Variants in TYW5 observed in about 807,000 individuals in gnomAD.
The protein encoded by TYW5 is tRNA-yW synthesizing protein 5.
A neutral mutation model predicts 44.4 loss-of-function variants in TYW5; 36 were observed. That is an observed-to-expected ratio of 0.81 (90% CI 0.62 to 1.07). TYW5 has a LOEUF of 1.07. Ranked by LOEUF, TYW5 falls within the 50% of genes least tolerant of loss-of-function variation. TYW5 has a pLI of 0.00. For synonymous variants in TYW5, 121 were observed against 128.1 expected, an observed-to-expected ratio of 0.94 and a Z score of 0.37; for missense variants, 354 against 365.7, an observed-to-expected ratio of 0.97 and a Z score of 0.26.
chr2:199,934,463 G>T (rs1437775915), intron 7 of TYW5, among the ~76,000 whole-genome samples: 1 of 151,782 alleles, frequency 6.6e-6, no homozygotes, highest in Non-Finnish European at 1.5e-5. Context: ...CAATAGATTT[G>T]AAGACTAATA....
At chr2:199,944,102 A>G (rs1179321790) in intron 2 of TYW5, 5 of 281,604 alleles carry the variant, frequency 1.8e-5, no homozygotes, top group African/African-American at 2.2e-5. Context: ...TCAATATTCT[A>G]TTCCAAGTTA....
intron 1 of TYW5, among the ~76,000 whole-genome samples, chr2:199,952,584 A>G (rs2077554355): frequency 6.6e-6 from 1 of 152,206 alleles, no homozygotes; most frequent in South Asian, 2.1e-4. Context: ...ATATGAGATA[A>G]ATGTTGCAAA....
chr2:199,948,543 C>G, intron 1 of TYW5, 71 bp from the exon 2 acceptor site: 2 of 1,510,630 alleles, frequency 1.3e-6, no homozygotes, highest in Non-Finnish European at 9.1e-7. Flanking sequence ...TATTTGGCAA[C>G]AGGGAGACAA....
At chr2:199,950,417 T>TA (rs2077535544) in intron 1 of TYW5, among the ~76,000 whole-genome samples, 1 of 152,060 alleles carries the variant, frequency 6.6e-6, no homozygotes, top group Non-Finnish European at 1.5e-5. Flanking sequence ...CACACCACTG[T>TA]AAAAAACATG....
intron 3 of TYW5, chr2:199,942,214 A>C (rs1308850361): frequency 6.6e-6 from 1 of 152,196 alleles, no homozygotes; most frequent in East Asian, 1.9e-4. Flanking sequence ...CTACAGGCGT[A>C]TGCCACCATG....
intron 3 of TYW5, 54 bp downstream of exon 3, chr2:199,943,711 C>T: frequency 7.2e-7 from 1 of 1,380,890 alleles, no homozygotes; most frequent in South Asian, 1.3e-5. Flanking sequence ...ATAAGAAAAT[C>T]CATTTAGTAT....
chr2:199,939,132 T>G (rs1436669000), intron 4 of TYW5, 62 bp from the exon 5 acceptor site: 3 of 1,473,918 alleles, frequency 2.0e-6, no homozygotes, highest in Non-Finnish European at 1.8e-6. Flanking sequence ...TAAGGAAGAC[T>G]GGGGCAAAAC....
chr2:199,938,278 A>ATGG (rs2077437293), intron 5 of TYW5, among the ~76,000 whole-genome samples: 1 of 152,004 alleles, frequency 6.6e-6, no homozygotes, highest in African/African-American at 2.4e-5. Context: ...GTTAGCCAGG[A>ATGG]TGGTCTCGAT....
Position 199,930,442 on chromosome 2 carries a change from C to A in TYW5, c.*2625G>T, listed in dbSNP as rs17629103. On this transcript the variant is annotated 3_prime_UTR_variant, in exon 8 of 8. Transcript: ENST00000354611. ...ACCTTGTTTTACACAAATGGCAGTA[C>A]AGTTTCAAATATGTTTTTCATGTAA... The A allele has an allele frequency of 2.0e-5, 3 of 152,066 alleles. No individual in the cohort carries two copies. Among genetic ancestry groups the A allele is most frequent in the African/African-American group, 7.2e-5 (3 of 41,392 alleles). The allele number at this position is 152,066 out of a possible 1,614,324, so 9.4% of individuals were successfully genotyped here. A position where few individuals can be genotyped will look rare whatever the true frequency, so the allele number is the denominator to read the frequency against.
chr2:199,955,375 C>T lies in TYW5; in HGVS notation c.78+18G>A, dbSNP rs747991823. The T allele has an allele frequency of 6.2e-7, 1 of 1,612,134 alleles. No homozygotes were observed. Among genetic ancestry groups the T allele is most frequent in the Admixed American group, 1.7e-5 (1 of 59,784 alleles). On this transcript the variant is annotated intron_variant, in intron 1 of 7. Transcript: ENST00000354611. The stretch of plus-strand genomic sequence containing the variant: ...TCTCGCTGGTTTCTCGAGGTTCTGC[C>T]CCGCGCGAGGGCCTCACCTGTGGGT...
intron 1 of TYW5, among the ~76,000 whole-genome samples, chr2:199,953,603 T>C (rs1197313760): frequency 2.0e-5 from 3 of 152,242 alleles, no homozygotes; most frequent in Non-Finnish European, 4.4e-5. Context: ...TTCTGCACTT[T>C]CTATTCTATT....
rs35165461 is a variant in TYW5, at chr2:199,929,970, A to ATTTTTTTTT, written c.*3088_*3096dup. 1.1e-5 allele frequency: 1 copy of ATTTTTTTTT among 89,826 alleles called. No individual in the cohort carries two copies. 5.6% of individuals were successfully genotyped at this position (89,826 alleles called of 1,614,324 possible). On this transcript the variant is annotated 3_prime_UTR_variant, in exon 8 of 8. Coordinates refer to ENST00000354611, the MANE Select transcript of TYW5 (RefSeq NM_001039693.3). ...ACCACTCCCCAGCTCTGCATATAAT[A>ATTTTTTTTT]TTTTTTTTTTTTTTTTTTTTTTTGA...
At position 199,955,452 on chromosome 2, in the gene TYW5, G is replaced by T. The variant is rs1297112331; in HGVS notation, c.19C>A (p.Pro7Thr). 4 of 1,613,736 alleles carry T rather than the reference G, an allele frequency of 2.5e-6. No individual in the cohort carries two copies. In the East Asian group the frequency reaches 6.7e-5, roughly 27 times the overall value. The part of the protein sequence containing the change: MAGQHL[P>T]VPRLEGVSRE... The stretch of plus-strand genomic sequence containing the variant: ...GAAACGCCCTCCAGCCGGGGTACCG[G>T]GAGGTGCTGCCCGGCCATGGTTGCT... The change falls in exon 1 of 8, where the codon CCG becomes ACG. Residue 7 changes from proline to threonine, a missense_variant. Transcript: ENST00000354611.
chr2:199,938,068 A>AT (rs1255806141), intron 5 of TYW5, among the ~76,000 whole-genome samples: 353 of 144,304 alleles, frequency 2.4e-3, no homozygotes, highest in Middle Eastern at 3.6e-3. Flanking sequence ...ATCAAGATCA[A>AT]TTTTTTTTTT....
intron 3 of TYW5, chr2:199,943,125 G>A (rs2105702342): frequency 6.6e-6 from 1 of 152,228 alleles, no homozygotes; most frequent in East Asian, 1.9e-4. Flanking sequence ...CAAAGTGCTG[G>A]GATTACAGGC....
chr2:199,943,957 T>A, intron 2 of TYW5, 123 bp from the exon 3 acceptor site: 1 of 619,122 alleles, frequency 1.6e-6, no homozygotes, highest in African/African-American at 1.9e-5. Flanking sequence ...ATATCTGTAA[T>A]TTTTATTATA....
rs1331427928 is a variant in TYW5, at chr2:199,932,881, TAA to T, written c.*184_*185del. The T allele has an allele frequency of 7.6e-6, 5 of 656,040 alleles. No homozygotes were observed. Among genetic ancestry groups the T allele is most frequent in the Non-Finnish European group, 1.2e-5 (5 of 407,362 alleles). The allele number at this position is 656,040 out of a possible 1,614,324, so 40.6% of individuals were successfully genotyped here. ...CTTTTAGTGGTCAGCATCTGAATGT[TAA>T]AGAGTGGTCCCAGCACAGCATTCTT... On this transcript the variant is annotated 3_prime_UTR_variant, in exon 8 of 8. Transcript: ENST00000354611.
At chr2:199,936,225 T>G (rs1559301052) in intron 6 of TYW5, among the ~76,000 whole-genome samples, 178 bp from the exon 7 acceptor site, 1 of 152,220 alleles carries the variant, frequency 6.6e-6, no homozygotes, top group Non-Finnish European at 1.5e-5. Context: ...CACTCTTTAA[T>G]TCTGATGACT....
intron 4 of TYW5, among the ~76,000 whole-genome samples, 171 bp from the exon 5 acceptor site, chr2:199,939,241 T>C (rs886135800): frequency 5.3e-5 from 8 of 152,082 alleles, no homozygotes; most frequent in African/African-American, 1.9e-4. Flanking sequence ...GTAGCTGAGA[T>C]TATAGGCACC....
Sources: gnomAD v4.1 joint callset for allele counts (sites outside exome capture counted in the v4.1 genomes callset) on GRCh38, gnomAD v4.1.1 for gene constraint, MANE v1.5 for transcripts, NCBI Gene and HGNC (gene_info 2026-07-23, HGNC 2026-07-21) for gene names.